TRPS1: variants seen among roughly 807,000 people sequenced by gnomAD.
TRPS1 encodes the protein transcriptional repressor GATA binding 1.
Under a neutral mutation model 101.2 loss-of-function variants are expected in TRPS1, and 6 were observed. The observed-to-expected ratio is 0.06, with a 90% CI of 0.03 to 0.12. The LOEUF (loss-of-function observed/expected upper bound fraction) is 0.12, where lower values mean the gene tolerates loss of function less well. Ranked by LOEUF, TRPS1 falls within the 10% of genes least tolerant of loss-of-function variation. The pLI is 1.00. For missense variants in TRPS1, 1,363 were observed against 1,567.0 expected, an observed-to-expected ratio of 0.87 and a Z score of 2.20; for synonymous variants, 578 against 589.8, an observed-to-expected ratio of 0.98 and a Z score of 0.29.
intron 5 of TRPS1, among the ~76,000 whole-genome samples, chr8:115,465,663 T>C (rs1294082115): frequency 1.3e-5 from 2 of 152,156 alleles, no homozygotes; most frequent in Non-Finnish European, 2.9e-5. Flanking sequence ...ATCACTGCAC[T>C]ATTATCCTAG....
At chr8:115,570,343 A>G (rs941823646) in intron 5 of TRPS1, among the ~76,000 whole-genome samples, 1 of 152,122 alleles carries the variant, frequency 6.6e-6, no homozygotes, top group Non-Finnish European at 1.5e-5. Flanking sequence ...TCTTAATGGT[A>G]GAAAATTTAC....
At chr8:115,439,064 T>C (rs956363131) in intron 5 of TRPS1, among the ~76,000 whole-genome samples, 1 of 152,140 alleles carries the variant, frequency 6.6e-6, no homozygotes, top group African/African-American at 2.4e-5. Context: ...AGATAGTGAT[T>C]TGCTGTGATT....
intron 5 of TRPS1, among the ~76,000 whole-genome samples, chr8:115,432,188 TATA>T (rs1813336311): frequency 6.9e-6 from 1 of 144,440 alleles, no homozygotes; most frequent in Non-Finnish European, 1.5e-5. Flanking sequence ...AATATAAAAA[TATA>T]ATGGCAGAAT....
chr8:115,620,174 T>G, intron 2 of TRPS1, 114 bp from the exon 3 acceptor site: 1 of 971,708 alleles, frequency 1.0e-6, no homozygotes, highest in Non-Finnish European at 1.4e-6. Context: ...ATCAAATGCT[T>G]CCTCTAGGAA....
intron 5 of TRPS1, among the ~76,000 whole-genome samples, chr8:115,555,059 T>C (rs897773616): frequency 6.6e-6 from 1 of 152,192 alleles, no homozygotes; most frequent in African/African-American, 2.4e-5. Context: ...AAAGTATCTG[T>C]GGGAGCTACA....
chr8:115,476,536 C>G (rs1463597582), intron 5 of TRPS1, among the ~76,000 whole-genome samples: 2 of 152,128 alleles, frequency 1.3e-5, no homozygotes, highest in African/African-American at 2.4e-5. Flanking sequence ...ACCTTCTATT[C>G]AACATATAGC....
chr8:115,562,858 T>C (rs915918845), intron 5 of TRPS1, among the ~76,000 whole-genome samples: 21 of 148,260 alleles, frequency 1.4e-4, no homozygotes, highest in Admixed American at 1.2e-3. Flanking sequence ...GCATGCCTAC[T>C]CCCCCTACCC....
intron 5 of TRPS1, among the ~76,000 whole-genome samples, chr8:115,552,477 AT>A (rs1454148445): frequency 6.6e-6 from 1 of 152,198 alleles, no homozygotes; most frequent in African/African-American, 2.4e-5. Flanking sequence ...TAATGCAAAG[AT>A]TAGTAATCAT....
At chr8:115,460,337 A>T (rs1814138262) in intron 5 of TRPS1, among the ~76,000 whole-genome samples, 1 of 152,006 alleles carries the variant, frequency 6.6e-6, no homozygotes, top group Admixed American at 6.6e-5. Flanking sequence ...CCACATTAAA[A>T]ATCTGATAGC....
intron 5 of TRPS1, among the ~76,000 whole-genome samples, chr8:115,551,250 A>C (rs1563596541): frequency 6.6e-6 from 1 of 152,268 alleles, no homozygotes; most frequent in Non-Finnish European, 1.5e-5. Flanking sequence ...ATTTGTAAAA[A>C]GTGAGCCTAC....
intron 5 of TRPS1, among the ~76,000 whole-genome samples, chr8:115,488,973 A>T (rs1422060960): frequency 6.6e-6 from 1 of 152,174 alleles, no homozygotes. Context: ...CTTCTATTTT[A>T]AAAAAATTTT....
At position 115,410,774 on chromosome 8, in the gene TRPS1, A is replaced by G. The variant is rs1424178702; in HGVS notation, c.*3249T>C. The G allele has an allele frequency of 6.6e-6, 1 of 152,360 alleles. No homozygotes were observed. Among genetic ancestry groups the G allele is most frequent in the African/African-American group, 2.4e-5 (1 of 41,424 alleles). The allele number at this position is 152,360 out of a possible 1,614,324, so 9.4% of individuals were successfully genotyped here. A position where few individuals can be genotyped will look rare whatever the true frequency, so the allele number is the denominator to read the frequency against. On this transcript the variant is annotated 3_prime_UTR_variant, in exon 7 of 7. Transcript: ENST00000395715. ...ATCCAAAGCTCAATTTAGAATATAG[A>G]CAAATAATTTTAAAATATTTTCAGT...
At chr8:115,654,890 T>C (rs1296425520) in intron 1 of TRPS1, among the ~76,000 whole-genome samples, 1 of 152,212 alleles carries the variant, frequency 6.6e-6, no homozygotes, top group Non-Finnish European at 1.5e-5. Flanking sequence ...ATCATCAATT[T>C]CTCACTGCAT....
intron 5 of TRPS1, among the ~76,000 whole-genome samples, chr8:115,547,208 A>G (rs3808434): frequency 0.64 from 97,611 of 151,986 alleles, 31,956 homozygotes; most frequent in East Asian, 0.84. Context: ...ACTTTGTTAA[A>G]CTGACTTTCT....
intron 3 of TRPS1, among the ~76,000 whole-genome samples, chr8:115,610,779 A>T (rs1016936582): frequency 6.6e-6 from 1 of 152,114 alleles, no homozygotes; most frequent in Non-Finnish European, 1.5e-5. Flanking sequence ...ATTTTTCTAT[A>T]TTATCTGGTA....
chr8:115,571,579 AT>A (rs1817204395), intron 5 of TRPS1, among the ~76,000 whole-genome samples: 1 of 152,160 alleles, frequency 6.6e-6, no homozygotes, highest in South Asian at 2.1e-4. Context: ...AAATGACTTA[AT>A]GTGATACAGT....
intron 5 of TRPS1, among the ~76,000 whole-genome samples, chr8:115,495,225 T>C (rs1815120237): frequency 6.6e-6 from 1 of 152,126 alleles, no homozygotes; most frequent in Non-Finnish European, 1.5e-5. Flanking sequence ...AAGGTATCTC[T>C]TCATCCTCTT....
chr8:115,535,500 TATATATAGC>T (rs1816292696), intron 5 of TRPS1, among the ~76,000 whole-genome samples: 1 of 147,354 alleles, frequency 6.8e-6, no homozygotes, highest in African/African-American at 2.5e-5. Flanking sequence ...ATATATAGCA[TATATATAGC>T]GCATATATAT....
chr8:115,428,408 C>T (rs1283934226), intron 5 of TRPS1, among the ~76,000 whole-genome samples: 3 of 152,134 alleles, frequency 2.0e-5, no homozygotes, highest in South Asian at 4.1e-4. Flanking sequence ...AAAAATACTC[C>T]TAACTCTAAA....
Sources: allele counts gnomAD v4.1 joint callset (sites outside exome capture counted in the v4.1 genomes callset), GRCh38; gene constraint gnomAD v4.1.1; transcripts MANE v1.5; gene names NCBI Gene and HGNC (gene_info 2026-07-23, HGNC 2026-07-21).